Variants in NOX3 observed in about 807,000 individuals in gnomAD.
NOX3 encodes NADPH oxidase 3.
A neutral mutation model predicts 76.7 loss-of-function variants in NOX3; 74 were observed. The ratio of observed to expected loss-of-function variants is 0.96; its 90% CI spans 0.80 to 1.17. The LOEUF is 1.17. Among genes scored for constraint, NOX3 ranks in the 50% most tolerant of loss-of-function variants. The pLI is 0.00. For missense variants in NOX3, 695 were observed against 703.3 expected, an observed-to-expected ratio of 0.99 and a Z score of 0.13; for synonymous variants, 263 against 261.1, an observed-to-expected ratio of 1.01 and a Z score of -0.07.
intron 10 of NOX3, among the ~76,000 whole-genome samples, chr6:155,413,538 C>A (rs554443792): frequency 6.1e-4 from 93 of 152,030 alleles, no homozygotes; most frequent in Non-Finnish European, 1.2e-3. Context: ...GGAAAGGAGA[C>A]CAGTTAGGGG....
chr6:155,440,769 A>G (rs1776974535), intron 5 of NOX3, among the ~76,000 whole-genome samples: 1 of 152,230 alleles, frequency 6.6e-6, no homozygotes, highest in Non-Finnish European at 1.5e-5. Context: ...ATTGCAAAAT[A>G]AATCTGAGTT....
chr6:155,451,365 A>C (rs528795326), intron 4 of NOX3, among the ~76,000 whole-genome samples: 1 of 152,290 alleles, frequency 6.6e-6, no homozygotes, highest in South Asian at 2.1e-4. Flanking sequence ...AGGGGTATAA[A>C]ATAATTTGGT....
chr6:155,453,960 C>A (rs576147104), intron 3 of NOX3, among the ~76,000 whole-genome samples: 20 of 152,026 alleles, frequency 1.3e-4, no homozygotes, highest in African/African-American at 4.8e-4. Flanking sequence ...GCAAATATTG[C>A]AATAAAGCAA....
intron 10 of NOX3, among the ~76,000 whole-genome samples, chr6:155,417,944 T>C (rs968326788): frequency 1.3e-5 from 2 of 152,236 alleles, no homozygotes; most frequent in African/African-American, 2.4e-5. Context: ...TTATATATTA[T>C]GGAGCTGATG....
chr6:155,415,701 A>G (rs1776614304), intron 10 of NOX3, among the ~76,000 whole-genome samples: 1 of 152,252 alleles, frequency 6.6e-6, no homozygotes, highest in South Asian at 2.1e-4. Flanking sequence ...ACTCCAACCT[A>G]GATTACTGCG....
intron 10 of NOX3, among the ~76,000 whole-genome samples, chr6:155,419,160 A>C (rs1235664893): frequency 6.6e-6 from 1 of 152,240 alleles, no homozygotes; most frequent in African/African-American, 2.4e-5. Flanking sequence ...GCCCTGACAA[A>C]TATTAGTTAC....
chr6:155,436,634 T>A (rs1776908257), intron 6 of NOX3, 87 bp from the exon 7 acceptor site: 2 of 1,371,750 alleles, frequency 1.5e-6, no homozygotes, highest in Non-Finnish European at 2.0e-6. Context: ...CAGGTATATA[T>A]CCTACAGTGA....
chr6:155,445,982 T>TATAG (rs1491515594), intron 4 of NOX3, among the ~76,000 whole-genome samples: 6 of 27,042 alleles, frequency 2.2e-4, no homozygotes, highest in East Asian at 0.045. Flanking sequence ...ATATATATGC[T>TATAG]ATATATATAT....
At chr6:155,436,595 A>G (rs201236143) in intron 6 of NOX3, 48 bp from the exon 7 acceptor site, 6 of 1,609,540 alleles carry the variant, frequency 3.7e-6, no homozygotes, top group Non-Finnish European at 1.7e-6. Context: ...AAAAACGTCA[A>G]ACTGATTTTG....
Position 155,411,227 on chromosome 6 carries a change from C to T in NOX3, c.1442G>A (p.Trp481Ter). The T allele has an allele frequency of 9.9e-6, 16 of 1,613,404 alleles. No individual in the cohort carries two copies. Among genetic ancestry groups the T allele is most frequent in the Non-Finnish European group, 1.3e-5 (15 of 1,179,712 alleles). The part of the protein sequence containing the change: ...FLSYHIFLTG[W>*]DENQALHIAL... ...TCTTATCAGTACCTGATTTTCATCC[C>T]AGCCGGTAAGAAATATATGATAACT... Residue 481 changes from tryptophan to a stop codon, truncating the protein, a stop_gained, in exon 11 of 14, where the codon TGG becomes TAG. Transcript: ENST00000159060. LOFTEE classifies it high-confidence loss of function.
rs1776825025 is a variant in NOX3, at chr6:155,430,948, G to T, written c.799-13C>A. The T allele has an allele frequency of 2.7e-6, 4 of 1,483,228 alleles. No homozygotes were observed. Among genetic ancestry groups the T allele is most frequent in the Non-Finnish European group, 3.7e-6 (4 of 1,067,530 alleles). The allele number at this position is 1,483,228 out of a possible 1,614,324, so 91.9% of individuals were successfully genotyped here. A position where few individuals can be genotyped will look rare whatever the true frequency, so the allele number is the denominator to read the frequency against. Reference sequence around the variant, plus strand: ...TCCATTTCCAAGCCTGAAGAGAGTAGCAGAGAGAGAGAGAAAAAGGAAATG... The same window carrying T: ...TCCATTTCCAAGCCTGAAGAGAGTATCAGAGAGAGAGAGAAAAAGGAAATG... On this transcript the variant is annotated splice_polypyrimidine_tract_variant and intron_variant, in intron 7 of 13. Coordinates refer to ENST00000159060, the MANE Select transcript of NOX3 (RefSeq NM_015718.3).
rs186011376 is a variant in NOX3, at chr6:155,447,178, G to A, written c.341-3760C>T. On this transcript the variant is annotated intron_variant, in intron 4 of 13. Coordinates refer to ENST00000159060, the MANE Select transcript of NOX3 (RefSeq NM_015718.3). ...CTTCTGCCTCAGCCTCTAAGTAGCT[G>A]GGATTACAGGCACACGCCACCATGC... Among the ~76,000 whole-genome samples, 148 of 151,916 alleles carry A rather than the reference G, an allele frequency of 9.7e-4. 2 individuals are homozygous for A. Among genetic ancestry groups the A allele is most frequent in the African/African-American group, 3.3e-3 (136 of 41,400 alleles).
intron 9 of NOX3, among the ~76,000 whole-genome samples, chr6:155,424,925 C>T (rs984266357): frequency 6.6e-6 from 1 of 152,154 alleles, no homozygotes; most frequent in Admixed American, 6.5e-5. Flanking sequence ...GTAAATTAAT[C>T]CACAGAAATA....
intron 4 of NOX3, among the ~76,000 whole-genome samples, chr6:155,444,275 G>A (rs931979809): frequency 2.6e-5 from 4 of 152,214 alleles, no homozygotes; most frequent in Non-Finnish European, 4.4e-5. Context: ...TACACTGCAT[G>A]CCATTCTGAG....
intron 4 of NOX3, among the ~76,000 whole-genome samples, chr6:155,445,624 G>GT (rs1777049640): frequency 6.6e-6 from 1 of 151,940 alleles, no homozygotes; most frequent in South Asian, 2.1e-4. Context: ...ACAAATGATA[G>GT]TATGACCATA....
intron 4 of NOX3, among the ~76,000 whole-genome samples, chr6:155,445,426 G>A (rs771448779): frequency 1.3e-4 from 20 of 152,262 alleles, no homozygotes; most frequent in Middle Eastern, 3.4e-3. Context: ...GAGAATATTC[G>A]TGTCATTTTG....
chr6:155,449,207 T>C (rs1341224116), intron 4 of NOX3, among the ~76,000 whole-genome samples: 2 of 152,140 alleles, frequency 1.3e-5, no homozygotes, highest in African/African-American at 4.8e-5. Context: ...GTTATGTTTA[T>C]TGATGTTTGT....
chr6:155,430,664 T>C (rs1237246301), intron 8 of NOX3, among the ~76,000 whole-genome samples, 179 bp downstream of exon 8: 7 of 152,036 alleles, frequency 4.6e-5, no homozygotes, highest in Admixed American at 4.6e-4. Context: ...CTGATCCCTG[T>C]CTTCAGCAAA....
At position 155,439,166 on chromosome 6, in the gene NOX3, C is replaced by T. The variant is rs894611889; in HGVS notation, c.668+790G>A. Among the ~76,000 whole-genome samples, 8 of 152,116 alleles carry T rather than the reference C, an allele frequency of 5.3e-5. No homozygotes were observed. In the East Asian group the frequency reaches 5.8e-4, roughly 11 times the overall value. On this transcript the variant is annotated intron_variant, in intron 6 of 13. Coordinates refer to ENST00000159060, the MANE Select transcript of NOX3 (RefSeq NM_015718.3). ...GGACTGTTGTGGGGGTCAAGTTGAT[C>T]ATGTATATGAATGTGCTTTGAAAAT...
Sources: allele counts gnomAD v4.1 joint callset (sites outside exome capture counted in the v4.1 genomes callset), GRCh38; gene constraint gnomAD v4.1.1; transcripts MANE v1.5; gene names NCBI Gene and HGNC (gene_info 2026-07-23, HGNC 2026-07-21).